ANKFN1: variants seen among roughly 807,000 people sequenced by gnomAD.
ANKFN1 encodes ankyrin repeat and fibronectin type-III domain-containing protein 1.
Under a neutral mutation model 108.7 loss-of-function variants are expected in ANKFN1, and 74 were observed. The observed-to-expected ratio is 0.68, with a 90% CI of 0.56 to 0.83. The LOEUF (loss-of-function observed/expected upper bound fraction) is 0.83, where lower values mean the gene tolerates loss of function less well. Among genes scored for constraint, ANKFN1 ranks in the 40% least tolerant of loss-of-function variants. The probability of loss-of-function intolerance (pLI) is 0.00; values close to 1 mark genes in which losing one functional copy is unlikely to be tolerated. For synonymous variants in ANKFN1, 547 were observed against 516.2 expected (o/e 1.06, Z -0.81); for missense variants, 1,505 against 1,382.3 (o/e 1.09, Z -1.41).
intron 18 of ANKFN1, among the ~76,000 whole-genome samples, chr17:56,489,179 C>CTA (rs1458659158): frequency 6.6e-6 from 1 of 152,090 alleles, no homozygotes; most frequent in Admixed American, 6.6e-5. Context: ...TAGTCTGCCA[C>CTA]TATCTTATGT....
At chr17:56,115,399 A>C (rs773722842) in intron 4 of ANKFN1, among the ~76,000 whole-genome samples, 9 of 152,184 alleles carry the variant, frequency 5.9e-5, no homozygotes, top group Non-Finnish European at 1.2e-4. Flanking sequence ...CACACAGAAG[A>C]AGCAAGTTGG....
chr17:56,449,878 A>C (rs188343757), intron 11 of ANKFN1, among the ~76,000 whole-genome samples: 1 of 152,308 alleles, frequency 6.6e-6, no homozygotes. Flanking sequence ...TGCTCACAGG[A>C]AAGTAGAGCA....
intron 3 of ANKFN1, among the ~76,000 whole-genome samples, chr17:56,317,326 C>G (rs1243602852): frequency 6.6e-6 from 1 of 152,164 alleles, no homozygotes. Flanking sequence ...TTTTTAGATG[C>G]TTTAGCAAAA....
chr17:56,468,877 CT>C (rs1598667188), intron 15 of ANKFN1, among the ~76,000 whole-genome samples: 1 of 152,202 alleles, frequency 6.6e-6, no homozygotes, highest in African/African-American at 2.4e-5. Context: ...TGAGGCTCCC[CT>C]CTTCACCTTT....
chr17:56,373,113 T>C (rs1257837088), intron 7 of ANKFN1, among the ~76,000 whole-genome samples: 2 of 152,224 alleles, frequency 1.3e-5, no homozygotes, highest in Non-Finnish European at 2.9e-5. Flanking sequence ...TTCCATCCGC[T>C]ACGCCCTAAT....
intron 3 of ANKFN1, among the ~76,000 whole-genome samples, chr17:56,274,377 G>T (rs947323621): frequency 6.6e-6 from 1 of 152,138 alleles, no homozygotes; most frequent in African/African-American, 2.4e-5. Context: ...GGAGGCTGAG[G>T]CAGGAGAATG....
At chr17:56,074,964 A>T (rs1905164509) in intron 4 of ANKFN1, among the ~76,000 whole-genome samples, 1 of 152,198 alleles carries the variant, frequency 6.6e-6, no homozygotes, top group Non-Finnish European at 1.5e-5. Flanking sequence ...AATCAGGTTC[A>T]CAACAACCTT....
chr17:56,442,602 A>G (rs986985469), intron 9 of ANKFN1, among the ~76,000 whole-genome samples: 4 of 152,168 alleles, frequency 2.6e-5, no homozygotes, highest in Non-Finnish European at 4.4e-5. Context: ...AAGAAAGTGC[A>G]TAGAAACTAA....
intron 1 of ANKFN1, among the ~76,000 whole-genome samples, chr17:56,162,033 A>G (rs542505630): frequency 5.3e-5 from 8 of 152,208 alleles, no homozygotes; most frequent in Admixed American, 2.6e-4. Flanking sequence ...TCAAAGTCAA[A>G]ATCCCAGAAA....
In ANKFN1 at chr17:56,510,863, G is replaced by T. The variant is rs530924313; in HGVS notation, c.3035G>T (p.Ser1012Ile). ...AAGCACCCCCACTATGGCGGCTTCA[G>T]CCGCCATCATCGCTGGTTGCGCATC... ...PGKHPHYGGF[S>I]RHHRWLRIHS... The change falls in exon 21 of 21, where the codon AGC (serine) becomes ATC (isoleucine). Residue 1012 changes from serine (S) to isoleucine (I), a missense_variant. By Grantham distance (142) the Ser-to-Ile change is moderately radical. Coordinates refer to ENST00000682825, the MANE Select transcript of ANKFN1 (RefSeq NM_001370326.1). 6 of 1,536,090 alleles carry T rather than the reference G, an allele frequency of 3.9e-6. No individual in the cohort carries two copies. In the South Asian group the frequency reaches 7.1e-5, roughly 18 times the overall value.
At chr17:56,204,560 C>T (rs897303660) in intron 1 of ANKFN1, among the ~76,000 whole-genome samples, 2 of 151,844 alleles carry the variant, frequency 1.3e-5, no homozygotes, top group Non-Finnish European at 2.9e-5. Context: ...AGGTTGGTCT[C>T]GAACTACTGA....
chr17:56,055,219 C>T (rs935437664), intron 4 of ANKFN1, among the ~76,000 whole-genome samples: 5 of 151,918 alleles, frequency 3.3e-5, no homozygotes, highest in Non-Finnish European at 7.4e-5. Flanking sequence ...GCCCACCTCC[C>T]GTTCTCCTCC....
intron 4 of ANKFN1, among the ~76,000 whole-genome samples, chr17:56,338,318 G>A (rs1051540666): frequency 4.6e-5 from 7 of 152,100 alleles, no homozygotes; most frequent in African/African-American, 1.7e-4. Flanking sequence ...GGGGAGCTGG[G>A]GGAGGGATAG....
At chr17:56,346,891 G>T (rs1287876207) in intron 4 of ANKFN1, among the ~76,000 whole-genome samples, 4 of 151,576 alleles carry the variant, frequency 2.6e-5, no homozygotes, top group East Asian at 3.9e-4. Flanking sequence ...CTATAGTTTT[G>T]GTTCTGGAAT....
chr17:56,206,142 A>G (rs1233023245), intron 1 of ANKFN1, among the ~76,000 whole-genome samples: 1 of 152,182 alleles, frequency 6.6e-6, no homozygotes, highest in Non-Finnish European at 1.5e-5. Context: ...ATTTTGGAGA[A>G]AATGCCCACC....
chr17:56,130,552 C>G (rs887145300), intron 4 of ANKFN1, among the ~76,000 whole-genome samples: 5 of 151,944 alleles, frequency 3.3e-5, no homozygotes, highest in African/African-American at 1.2e-4. Context: ...AATATTTATA[C>G]TAGATCAGCA....
Position 56,442,892 on chromosome 17 carries a change from G to A in ANKFN1, c.1058G>A (p.Gly353Glu). The A allele has an allele frequency of 1.2e-6, 2 of 1,613,772 alleles. No individual in the cohort carries two copies. The highest frequency in any genetic ancestry group is 2.2e-5 in the South Asian group (2 of 91,056). ...TCGGCTTACAATATGAAAGGATGGG[G>A]ACCTGCTCAGACCACGACACCGGCA... is the stretch of plus-strand genomic sequence containing the variant. ...QVSAYNMKGWGPAQTTTPACA... is the reference protein window; with the variant it reads ...QVSAYNMKGWEPAQTTTPACA... Residue 353 changes from glycine to glutamate, a missense_variant, in exon 10 of 21, where the codon GGA becomes GAA. Gly to Glu is a moderately conservative substitution (Grantham distance 98). Coordinates refer to ENST00000682825, the MANE Select transcript of ANKFN1 (RefSeq NM_001370326.1).
upstream of ANKFN1, among the ~76,000 whole-genome samples, chr17:56,152,368 T>A (rs1321043733): frequency 6.6e-6 from 1 of 151,750 alleles, no homozygotes; most frequent in Non-Finnish European, 1.5e-5. Flanking sequence ...TAAGCCCAGA[T>A]CACCTGCAGA....
intron 6 of ANKFN1, among the ~76,000 whole-genome samples, chr17:56,363,439 G>A (rs1031073166): frequency 2.0e-5 from 3 of 152,160 alleles, no homozygotes; most frequent in Non-Finnish European, 2.9e-5. Flanking sequence ...CGGTGAGGAT[G>A]TGGAGAAAAG....
Sources: gnomAD v4.1 joint callset for allele counts (sites outside exome capture counted in the v4.1 genomes callset) on GRCh38, gnomAD v4.1.1 for gene constraint, MANE v1.5 for transcripts, NCBI Gene and HGNC (gene_info 2026-07-23, HGNC 2026-07-21) for gene names.